Variants in IL19 observed in about 807,000 individuals in gnomAD.
IL19 encodes interleukin-19.
A neutral mutation model predicts 19.5 loss-of-function variants in IL19; 15 were observed. The observed-to-expected ratio is 0.77, with a 90% confidence interval of 0.52 to 1.19. The LOEUF (loss-of-function observed/expected upper bound fraction) is 1.19, where lower values mean the gene tolerates loss of function less well. Ranked by LOEUF, IL19 falls within the 50% of genes most tolerant of loss-of-function variation. IL19 has a pLI of 0.00. For synonymous variants in IL19, 78 were observed against 78.3 expected, an observed-to-expected ratio of 1.00 and a Z score of 0.02; for missense variants, 199 against 213.1, an observed-to-expected ratio of 0.93 and a Z score of 0.41.
chr1:206,834,424 C>T, intron 2 of IL19: 2 of 985,656 alleles, frequency 2.0e-6, no homozygotes, highest in Non-Finnish European at 2.4e-6. Context: ...TGTCCGTCAT[C>T]AGGGGCTCCT....
At chr1:206,787,188 A>AC in intron 1 of IL19, among the ~76,000 whole-genome samples, 1 of 152,130 alleles carries the variant, frequency 6.6e-6, no homozygotes, top group Middle Eastern at 3.4e-3. Flanking sequence ...TGCAATGACC[A>AC]CCCTTCCTTT....
At chr1:206,836,892 C>T in intron 3 of IL19, 66 bp from the exon 4 acceptor site, 2 of 1,603,088 alleles carry the variant, frequency 1.2e-6, no homozygotes, top group Non-Finnish European at 1.7e-6. Context: ...TTCTCATTGC[C>T]TTTTGCATCT....
chr1:206,841,987 G>C (rs551172253), intron 6 of IL19, among the ~76,000 whole-genome samples: 1 of 152,310 alleles, frequency 6.6e-6, no homozygotes, highest in African/African-American at 2.4e-5. Context: ...AACTCAGTCT[G>C]CTGAGGAAGG....
intron 2 of IL19, among the ~76,000 whole-genome samples, chr1:206,810,584 A>T (rs1675979129): frequency 6.6e-6 from 1 of 152,220 alleles, no homozygotes; most frequent in Admixed American, 6.5e-5. Flanking sequence ...GCCAGGTATG[A>T]TGGTGAAAGA....
intron 2 of IL19, among the ~76,000 whole-genome samples, chr1:206,809,578 G>A (rs920877500): frequency 1.5e-4 from 23 of 152,174 alleles, no homozygotes; most frequent in Non-Finnish European, 2.4e-4. Flanking sequence ...CAACCTCTGG[G>A]CATCTAACTA....
chr1:206,822,480 C>T (rs928304255), intron 2 of IL19, among the ~76,000 whole-genome samples: 47 of 152,184 alleles, frequency 3.1e-4, no homozygotes, highest in African/African-American at 1.1e-3. Context: ...CATTCCATTC[C>T]GGAGTCAGTC....
intron 1 of IL19, chr1:206,772,166 G>A (rs1674869089): frequency 1.0e-6 from 1 of 967,270 alleles, no homozygotes; most frequent in Non-Finnish European, 1.7e-6. Flanking sequence ...ATAGGTGTTG[G>A]GGATGGAGGT....
chr1:206,818,327 G>A lies in IL19; in HGVS notation c.-2-18334G>A, dbSNP rs779534432. ...GAAGGAGAATGGGCAAACAAATTGC[G>A]GCATAGCCATATAATGGCTACTACT... On this transcript the variant is annotated intron_variant, in intron 2 of 6. Coordinates refer to ENST00000659997, the MANE Select transcript of IL19 (RefSeq NM_153758.5). Among the ~76,000 whole-genome samples the A allele has an allele frequency of 6.6e-5, 10 of 152,080 alleles. 1 individual carries two copies. The highest frequency in any genetic ancestry group is 1.3e-4 in the Admixed American group (2 of 15,266).
At chr1:206,814,814 C>T (rs1572562632) in intron 2 of IL19, among the ~76,000 whole-genome samples, 2 of 151,868 alleles carry the variant, frequency 1.3e-5, no homozygotes, top group South Asian at 4.2e-4. Context: ...TGTGTCAATG[C>T]AGAAGAAAAA....
intron 2 of IL19, among the ~76,000 whole-genome samples, chr1:206,808,789 C>T (rs988574037): frequency 6.6e-6 from 1 of 152,160 alleles, no homozygotes; most frequent in Non-Finnish European, 1.5e-5. Flanking sequence ...TAAGAAAAGG[C>T]TCCCAGCCCA....
chr1:206,801,775 G>A (rs911728846), intron 2 of IL19, among the ~76,000 whole-genome samples: 3 of 152,160 alleles, frequency 2.0e-5, no homozygotes, highest in African/African-American at 7.2e-5. Context: ...ATTTCTTGGG[G>A]ACTAGACCTT....
intron 1 of IL19, among the ~76,000 whole-genome samples, chr1:206,786,569 G>A (rs189944198): frequency 1.3e-5 from 2 of 152,246 alleles, no homozygotes; most frequent in Admixed American, 1.3e-4. Flanking sequence ...AAAATCAGAG[G>A]GCTTTAGAGT....
intron 1 of IL19, among the ~76,000 whole-genome samples, chr1:206,779,649 A>G (rs1326027799): frequency 6.6e-6 from 1 of 152,192 alleles, no homozygotes; most frequent in Non-Finnish European, 1.5e-5. Flanking sequence ...TTGCTACTTG[A>G]ACCCTTCCAT....
At chr1:206,782,652 T>C (rs1206156080) in intron 1 of IL19, among the ~76,000 whole-genome samples, 8 of 152,024 alleles carry the variant, frequency 5.3e-5, no homozygotes, top group Non-Finnish European at 1.0e-4. Flanking sequence ...TCACAAGCGG[T>C]GTTTGTGGTT....
At chr1:206,833,082 G>A (rs905042376) in intron 2 of IL19, among the ~76,000 whole-genome samples, 3 of 152,220 alleles carry the variant, frequency 2.0e-5, no homozygotes, top group African/African-American at 7.2e-5. Context: ...CTGGGAGTCT[G>A]TGTTTGGGGA....
At chr1:206,787,466 G>T (rs918950979) in intron 1 of IL19, among the ~76,000 whole-genome samples, 2 of 152,230 alleles carry the variant, frequency 1.3e-5, no homozygotes, top group African/African-American at 4.8e-5. Context: ...ATAGAGAGGA[G>T]ATGCAGTCTA....
chr1:206,814,949 A>C (rs1676115271), intron 2 of IL19, among the ~76,000 whole-genome samples: 1 of 152,194 alleles, frequency 6.6e-6, no homozygotes, highest in South Asian at 2.1e-4. Context: ...AACCTTAGAG[A>C]CCTAAAACAA....
At chr1:206,791,948 T>C (rs1218540943) in intron 1 of IL19, among the ~76,000 whole-genome samples, 1 of 151,920 alleles carries the variant, frequency 6.6e-6, no homozygotes, top group African/African-American at 2.4e-5. Flanking sequence ...TGTGTGTGCA[T>C]TTAACTGTGG....
chr1:206,829,553 C>T (rs181545357), intron 2 of IL19, among the ~76,000 whole-genome samples: 27 of 152,178 alleles, frequency 1.8e-4, no homozygotes, highest in Non-Finnish European at 3.5e-4. Context: ...AAAATGTAGG[C>T]GAAGTCCAGG....
Sources: allele counts gnomAD v4.1 joint callset (sites outside exome capture counted in the v4.1 genomes callset), GRCh38; gene constraint gnomAD v4.1.1; transcripts MANE v1.5; gene names NCBI Gene and HGNC (gene_info 2026-07-23, HGNC 2026-07-21).